NKAIN2: variants seen among roughly 807,000 people sequenced by gnomAD.
NKAIN2 encodes the protein sodium/potassium transporting ATPase interacting 2.
A neutral mutation model predicts 32.6 loss-of-function variants in NKAIN2; 14 were observed. The observed-to-expected ratio is 0.43, with a 90% CI of 0.28 to 0.67. The LOEUF (loss-of-function observed/expected upper bound fraction) is 0.67, where lower values mean the gene tolerates loss of function less well. Ranked by LOEUF, NKAIN2 falls within the 30% of genes least tolerant of loss-of-function variation. NKAIN2 has a pLI of 0.17. For missense variants in NKAIN2, 198 were observed against 258.3 expected (o/e 0.77, Z 1.60); for synonymous variants, 80 against 87.2 (o/e 0.92, Z 0.46).
intron 1 of NKAIN2, among the ~76,000 whole-genome samples, chr6:124,271,977 C>T (rs1708219789): frequency 6.6e-6 from 1 of 152,150 alleles, no homozygotes. Context: ...CAAGAGGTGA[C>T]TTGGGTGCCG....
chr6:123,950,185 G>A (rs1777259836), intron 1 of NKAIN2, among the ~76,000 whole-genome samples: 1 of 151,930 alleles, frequency 6.6e-6, no homozygotes, highest in Admixed American at 6.6e-5. Context: ...GTTGGATGTG[G>A]TTTGCTTGTA....
chr6:123,812,887 C>G (rs1203233246), intron 1 of NKAIN2, among the ~76,000 whole-genome samples: 1 of 152,132 alleles, frequency 6.6e-6, no homozygotes, highest in Non-Finnish European at 1.5e-5. Flanking sequence ...ATTGGTACAC[C>G]CTACTCTTAA....
chr6:124,387,412 C>T (rs998762937), intron 3 of NKAIN2, among the ~76,000 whole-genome samples: 3 of 151,838 alleles, frequency 2.0e-5, no homozygotes, highest in Non-Finnish European at 4.4e-5. Flanking sequence ...AGCTCTTGCT[C>T]CTAGTCATAT....
At chr6:123,962,921 G>A (rs936990773) in intron 1 of NKAIN2, among the ~76,000 whole-genome samples, 1 of 152,130 alleles carries the variant, frequency 6.6e-6, no homozygotes, top group Admixed American at 6.6e-5. Flanking sequence ...CCAGCCACCT[G>A]CCACTCACCC....
At chr6:124,344,124 C>G (rs1444356842) in intron 2 of NKAIN2, among the ~76,000 whole-genome samples, 2 of 152,018 alleles carry the variant, frequency 1.3e-5, no homozygotes, top group Non-Finnish European at 2.9e-5. Context: ...TCAGGTTTGT[C>G]AAAGATCAGA....
chr6:124,383,037 G>C (rs1439703220), intron 3 of NKAIN2, among the ~76,000 whole-genome samples: 1 of 152,130 alleles, frequency 6.6e-6, no homozygotes, highest in African/African-American at 2.4e-5. Context: ...AAGCATAGCG[G>C]TTAGCATTTT....
chr6:124,034,078 G>A (rs1781511201), intron 1 of NKAIN2, among the ~76,000 whole-genome samples: 1 of 151,900 alleles, frequency 6.6e-6, no homozygotes. Context: ...TGTTTTGAGG[G>A]TTTGTGTTAG....
chr6:124,732,749 A>G (rs1776746328), intron 4 of NKAIN2, among the ~76,000 whole-genome samples: 2 of 151,988 alleles, frequency 1.3e-5, no homozygotes, highest in Admixed American at 1.3e-4. Context: ...ATTTTTAAGA[A>G]TTCTTATATT....
chr6:123,866,523 T>A (rs151155334), intron 1 of NKAIN2, among the ~76,000 whole-genome samples: 2,592 of 152,124 alleles, frequency 0.017, 67 homozygotes, highest in African/African-American at 0.06. Flanking sequence ...CTCCGCCTCC[T>A]GGATTCAAGC....
chr6:124,561,951 A>G (rs1583442759), intron 3 of NKAIN2, among the ~76,000 whole-genome samples: 1 of 152,194 alleles, frequency 6.6e-6, no homozygotes, highest in South Asian at 2.1e-4. Flanking sequence ...ACTGACTTCA[A>G]TCTGGGCAGA....
chr6:124,104,629 T>C (rs234466), intron 1 of NKAIN2, among the ~76,000 whole-genome samples: 109,410 of 152,082 alleles, frequency 0.72, 39,681 homozygotes, highest in African/African-American at 0.81. Flanking sequence ...TTTATTTTGG[T>C]GTTTTAAAAG....
rs574054024 is a variant in NKAIN2 at position 124,478,812 on chromosome 6, GCTTC to G, written c.273+123467_273+123470del. ...ATGACTATTCATTCCTTTAGTGTGG[GCTTC>G]CCATAATGACTTCTTTCCAAATAGT... On this transcript the variant is annotated intron_variant, in intron 3 of 6. Transcript: ENST00000368417. 4.6e-3 allele frequency among the ~76,000 whole-genome samples: 696 copies of G among 152,254 alleles called. 2 individuals carry two copies. Among genetic ancestry groups the G allele is most frequent in the Non-Finnish European group, 7.0e-3 (473 of 68,020 alleles).
chr6:124,088,419 T>C lies in NKAIN2; in HGVS notation c.55-194586T>C, dbSNP rs544332428. Reference sequence around the variant, plus strand: ...GTGAGACCATGTCTCAAAAATAAAATAAAAAATAAACCACTGGCAAGGAGC... The same window carrying C: ...GTGAGACCATGTCTCAAAAATAAAACAAAAAATAAACCACTGGCAAGGAGC... On this transcript the variant is annotated intron_variant, in intron 1 of 6. Transcript: ENST00000368417. Among the ~76,000 whole-genome samples the C allele has an allele frequency of 2.6e-3, 396 of 151,820 alleles. 1 individual carries two copies. The highest frequency in any genetic ancestry group is 5.9e-3 in the Admixed American group (90 of 15,208).
chr6:124,008,704 G>A (rs1179148336), intron 1 of NKAIN2, among the ~76,000 whole-genome samples: 1 of 152,152 alleles, frequency 6.6e-6, no homozygotes, highest in Non-Finnish European at 1.5e-5. Flanking sequence ...TAGAATATGG[G>A]TCAAGCTTTA....
chr6:124,184,496 T>C (rs2114557388), intron 1 of NKAIN2, among the ~76,000 whole-genome samples: 1 of 152,138 alleles, frequency 6.6e-6, no homozygotes, highest in Non-Finnish European at 1.5e-5. Flanking sequence ...ACCCGAAGAG[T>C]CCCTTAATAT....
At chr6:124,249,712 A>C (rs1242872249) in intron 1 of NKAIN2, among the ~76,000 whole-genome samples, 1 of 152,120 alleles carries the variant, frequency 6.6e-6, no homozygotes, top group Admixed American at 6.6e-5. Flanking sequence ...CACCCAGTCT[A>C]GCTTTCATCC....
intron 4 of NKAIN2, among the ~76,000 whole-genome samples, chr6:124,782,272 T>G (rs1340527290): frequency 6.6e-6 from 1 of 152,134 alleles, no homozygotes; most frequent in Non-Finnish European, 1.5e-5. Flanking sequence ...ACATCATTTT[T>G]GTATAATATT....
chr6:124,487,774 T>C (rs1038646049), intron 3 of NKAIN2, among the ~76,000 whole-genome samples: 23 of 152,012 alleles, frequency 1.5e-4, no homozygotes, highest in Non-Finnish European at 2.4e-4. Context: ...GCTCAGAAAA[T>C]ATCTGTTCCA....
intron 4 of NKAIN2, among the ~76,000 whole-genome samples, chr6:124,707,307 G>T (rs1327689536): frequency 6.6e-6 from 1 of 152,034 alleles, no homozygotes; most frequent in Non-Finnish European, 1.5e-5. Context: ...ACATACGTGT[G>T]CATGTGTCTT....
Sources: gnomAD v4.1 joint callset for allele counts (sites outside exome capture counted in the v4.1 genomes callset) on GRCh38, gnomAD v4.1.1 for gene constraint, MANE v1.5 for transcripts, NCBI Gene and HGNC (gene_info 2026-07-23, HGNC 2026-07-21) for gene names.